The following CDC27 variants were observed in gnomAD, a reference collection of about 807,000 sequenced individuals.
CDC27 encodes cell division cycle 27.
In CDC27, 27 loss-of-function variants were observed where a neutral mutation model predicts 109.7. The observed-to-expected ratio is 0.25, with a 90% CI of 0.18 to 0.34. The LOEUF (loss-of-function observed/expected upper bound fraction) is 0.34, where lower values mean the gene tolerates loss of function less well. Among genes scored for constraint, CDC27 ranks in the 10% least tolerant of loss-of-function variants. CDC27 has a pLI of 1.00. For synonymous variants in CDC27, 266 were observed against 333.9 expected (o/e 0.80, Z 2.22); for missense variants, 579 against 960.2 (o/e 0.60, Z 5.25).
intron 1 of CDC27, among the ~76,000 whole-genome samples, chr17:47,184,175 T>C (rs1357464800): frequency 6.6e-6 from 1 of 152,234 alleles, no homozygotes; most frequent in Non-Finnish European, 1.5e-5. Flanking sequence ...TCAACTTTTC[T>C]CAGCCTCAAT....
chr17:47,144,146 G>A (rs2062882531), intron 9 of CDC27, among the ~76,000 whole-genome samples, 164 bp from the exon 10 acceptor site: 1 of 152,174 alleles, frequency 6.6e-6, no homozygotes, highest in East Asian at 1.9e-4. Context: ...TGAAAACACA[G>A]TATTTAAAAA....
chr17:47,124,984 C>T (rs1426676312), intron 16 of CDC27, among the ~76,000 whole-genome samples: 1 of 152,016 alleles, frequency 6.6e-6, no homozygotes, highest in East Asian at 1.9e-4. Flanking sequence ...GTGGTGCGAT[C>T]TCTGCTCACT....
At chr17:47,142,531 A>G in intron 10 of CDC27, 95 bp from the exon 11 acceptor site, 1 of 539,040 alleles carries the variant, frequency 1.9e-6, no homozygotes, top group South Asian at 3.1e-5. Context: ...ATAAATGTAC[A>G]ATCTTGATTA....
chr17:47,153,932 T>A (rs995550385), intron 8 of CDC27, among the ~76,000 whole-genome samples: 5 of 151,752 alleles, frequency 3.3e-5, no homozygotes, highest in African/African-American at 1.2e-4. Context: ...AAATAAAAGT[T>A]AAAAAAATTA....
intron 14 of CDC27, among the ~76,000 whole-genome samples, chr17:47,134,529 G>A (rs1445622942): frequency 6.6e-6 from 1 of 151,194 alleles, no homozygotes; most frequent in Non-Finnish European, 1.5e-5. Flanking sequence ...GTCTCACTCT[G>A]TTGCCATGCT....
rs370497768 is a variant in CDC27, at chr17:47,175,313, G to C, written c.104-3249C>G. Reference sequence around the variant, plus strand: ...TCACGCTGATTTATAATCTAAATAAGCAGCCTTTCTAAAATGGACCAATTT... The same window carrying C: ...TCACGCTGATTTATAATCTAAATAACCAGCCTTTCTAAAATGGACCAATTT... On this transcript the variant is annotated intron_variant, in intron 2 of 18. Transcript: ENST00000066544. 9.9e-5 allele frequency among the ~76,000 whole-genome samples: 15 copies of C among 152,256 alleles called. No individual in the cohort carries two copies. In the East Asian group the frequency reaches 2.1e-3, roughly 22 times the overall value.
intron 17 of CDC27, 25 bp downstream of exon 17, chr17:47,123,861 T>C (rs2062051016): frequency 6.6e-7 from 1 of 1,509,902 alleles, no homozygotes; most frequent in Non-Finnish European, 9.0e-7. Context: ...AAGTCACTGT[T>C]TGGGACCATG....
intron 8 of CDC27, 82 bp from the exon 9 acceptor site, chr17:47,152,000 C>T: frequency 1.5e-6 from 2 of 1,302,350 alleles, no homozygotes; most frequent in South Asian, 1.8e-5. Context: ...CTCCCATCTA[C>T]ATTTTCTCAA....
intron 2 of CDC27, chr17:47,181,283 A>AC (rs2064224629): frequency 6.2e-6 from 1 of 160,068 alleles, no homozygotes; most frequent in Non-Finnish European, 1.3e-5. Context: ...AAAAAAAAAA[A>AC]AAACCCAAAA....
chr17:47,170,120 G>GTTAGA, intron 3 of CDC27, 78 bp from the exon 4 acceptor site: 1 of 1,166,466 alleles, frequency 8.6e-7, no homozygotes, highest in Non-Finnish European at 1.2e-6. Context: ...CATTACCAAA[G>GTTAGA]TGCATCTAAC....
At chr17:47,125,304 T>C (rs1222174960) in intron 16 of CDC27, among the ~76,000 whole-genome samples, 4 of 135,752 alleles carry the variant, frequency 2.9e-5, no homozygotes, top group Non-Finnish European at 6.1e-5. Flanking sequence ...TGGAGTGTGG[T>C]GTCGTGATCT....
intron 2 of CDC27, among the ~76,000 whole-genome samples, chr17:47,180,297 A>T (rs2064173727): frequency 6.6e-6 from 1 of 152,008 alleles, no homozygotes; most frequent in South Asian, 2.1e-4. Flanking sequence ...CACCTTTCTA[A>T]TCTTTTCATT....
intron 8 of CDC27, among the ~76,000 whole-genome samples, chr17:47,153,322 CTGGTTATTA>C (rs1464599098): frequency 1.3e-5 from 2 of 152,214 alleles, no homozygotes; most frequent in African/African-American, 2.4e-5. Context: ...TTAACTTGCT[CTGGTTATTA>C]TGGTTATTAT....
rs2061967809 is a variant in CDC27, at chr17:47,120,951, T to C, written c.2459A>G (p.Glu820Gly). The C allele has an allele frequency of 6.2e-7, 1 of 1,612,268 alleles. No homozygotes were observed. Among genetic ancestry groups the C allele is most frequent in the South Asian group, 1.1e-5 (1 of 90,860 alleles). The change falls in exon 19 of 19, where the codon GAA becomes GGA. Residue 820 changes from glutamate to glycine, a missense_variant. Physicochemically the swap from Glu to Gly is moderately conservative, Grantham distance 98 (BLOSUM62 -2). Transcript: ENST00000066544. ...DADDTQLHAA[E>G]SDEF is the part of the protein sequence containing the mutation. ...TTCCAGAAGTTAAAATTCATCACTT[T>C]CAGCTGCATGAAGTTGTGTGTCATC... is the stretch of plus-strand genomic sequence containing the variant.
intron 4 of CDC27, chr17:47,159,702 C>A (rs113554121): frequency 4.8e-6 from 2 of 420,546 alleles, no homozygotes; most frequent in Non-Finnish European, 8.9e-6. Flanking sequence ...ACAAACGCCT[C>A]GAACCTGGTG....
At chr17:47,174,337 A>G (rs1463135473) in intron 2 of CDC27, among the ~76,000 whole-genome samples, 1 of 152,228 alleles carries the variant, frequency 6.6e-6, no homozygotes, top group Admixed American at 6.5e-5. Context: ...CAACTTACGG[A>G]TAATGGCTGT....
At chr17:47,127,571 T>A (rs1456331228) in intron 16 of CDC27, among the ~76,000 whole-genome samples, 2 of 151,858 alleles carry the variant, frequency 1.3e-5, no homozygotes, top group African/African-American at 2.4e-5. Flanking sequence ...CCCGGCTAAT[T>A]TTTGTATTTT....
chr17:47,163,444 T>C (rs976818178), intron 4 of CDC27, among the ~76,000 whole-genome samples: 6 of 152,182 alleles, frequency 3.9e-5, no homozygotes, highest in African/African-American at 1.4e-4. Flanking sequence ...CTCATGCCTG[T>C]AATCCCAGCA....
chr17:47,188,706 A>G, intron 1 of CDC27: 1 of 993,778 alleles, frequency 1.0e-6, no homozygotes, highest in Non-Finnish European at 1.2e-6. Context: ...ACCCTCTCAT[A>G]CAAGACAAAA....
Sources: gnomAD v4.1 joint callset for allele counts (sites outside exome capture counted in the v4.1 genomes callset) on GRCh38, gnomAD v4.1.1 for gene constraint, MANE v1.5 for transcripts, NCBI Gene and HGNC (gene_info 2026-07-23, HGNC 2026-07-21) for gene names.